EPC2: variants seen among roughly 807,000 people sequenced by gnomAD.
EPC2 encodes enhancer of polycomb 2, also known as enhancer of polycomb homolog 2.
In EPC2, 14 loss-of-function variants were observed where a neutral mutation model predicts 92.1. The observed-to-expected ratio is 0.15, with a 90% CI of 0.10 to 0.24. The LOEUF (loss-of-function observed/expected upper bound fraction) is 0.24, where lower values mean the gene tolerates loss of function less well. Among genes scored for constraint, EPC2 ranks in the 10% least tolerant of loss-of-function variants. The pLI, the probability that EPC2 is intolerant of heterozygous loss-of-function variation, is 1.00. For synonymous variants in EPC2, 340 were observed against 334.7 expected (o/e 1.02, Z -0.17); for missense variants, 755 against 971.5 (o/e 0.78, Z 2.96).
chr2:148,761,232 C>T (rs115828992), intron 4 of EPC2, among the ~76,000 whole-genome samples: 3,839 of 152,156 alleles, frequency 0.025, 55 homozygotes, highest in East Asian at 0.034. Context: ...ATTGACAGTC[C>T]GATTTCTTGA....
In EPC2 at chr2:148,771,161, TCG is replaced by T; in HGVS notation, c.1495_1496del (p.Arg499AspfsTer6). 1 of 1,614,014 alleles carries T rather than the reference TCG, an allele frequency of 6.2e-7. No individual in the cohort carries two copies. The highest frequency in any genetic ancestry group is 8.5e-7 in the Non-Finnish European group (1 of 1,179,876). ...QTIDFSSNFS[R>X]TNASSKHCEN... ...CTATAGACTTTTCTTCTAATTTCTC[TCG>T]GACCAATGCTTCCAGTAAACATTGT... is the stretch of plus-strand genomic sequence containing the variant. On this transcript the variant is annotated frameshift_variant, in exon 10 of 14. Coordinates refer to ENST00000258484, the MANE Select transcript of EPC2 (RefSeq NM_015630.4). LOFTEE classifies it high-confidence loss of function.
At chr2:148,742,678 A>G (rs1326147081) in intron 2 of EPC2, among the ~76,000 whole-genome samples, 1 of 151,804 alleles carries the variant, frequency 6.6e-6, no homozygotes. Flanking sequence ...TTTACTTGGG[A>G]GACTGAGGTG....
rs1460312834 is a variant in EPC2 at position 148,765,120 on chromosome 2, A to G, written c.1114A>G (p.Ser372Gly). ...KSDIKQYDFHSSDEDEFPQVL... is the reference protein window; with the variant it reads ...KSDIKQYDFHGSDEDEFPQVL... ...TGACATTAAGCAATATGATTTTCAC[A>G]GCTCAGATGAAGATGAATTTCCACA... Residue 372 changes from serine (S) to glycine (G), a missense_variant, in exon 7 of 14, where the codon AGC becomes GGC. This residue lies in a region of EPC2 where 509 missense variants were observed against 607.7 expected (regional missense o/e 0.84). Transcript: ENST00000258484. The G allele has an allele frequency of 1.5e-5, 23 of 1,570,584 alleles. No homozygotes were observed. Among genetic ancestry groups the G allele is most frequent in the East Asian group, 2.3e-5 (1 of 43,676 alleles).
intron 1 of EPC2, among the ~76,000 whole-genome samples, chr2:148,653,373 C>G (rs928801521): frequency 1.3e-5 from 2 of 152,158 alleles, no homozygotes; most frequent in African/African-American, 4.8e-5. Flanking sequence ...CTGAAGGAGA[C>G]CAATGCAGAT....
At chr2:148,685,496 C>T (rs982782132) in intron 1 of EPC2, among the ~76,000 whole-genome samples, 3 of 152,334 alleles carry the variant, frequency 2.0e-5, no homozygotes, top group Non-Finnish European at 4.4e-5. Flanking sequence ...CACGGTGGCT[C>T]ACGCCTGTAA....
chr2:148,743,813 T>A, intron 3 of EPC2, 46 bp downstream of exon 3: 1 of 1,430,268 alleles, frequency 7.0e-7, no homozygotes, highest in Non-Finnish European at 9.3e-7. Flanking sequence ...GTTAACCCAA[T>A]TTGCACCTTT....
At chr2:148,678,338 C>T (rs1481778505) in intron 1 of EPC2, among the ~76,000 whole-genome samples, 1 of 152,268 alleles carries the variant, frequency 6.6e-6, no homozygotes, top group Non-Finnish European at 1.5e-5. Context: ...GCTGGCTTCA[C>T]CCAGTGGATC....
At chr2:148,756,623 T>G (rs555858505) in intron 4 of EPC2, among the ~76,000 whole-genome samples, 1 of 152,334 alleles carries the variant, frequency 6.6e-6, no homozygotes, top group East Asian at 1.9e-4. Flanking sequence ...TTAAATGAGA[T>G]AGTCTTAAGG....
chr2:148,752,801 T>C (rs1683105091), intron 3 of EPC2, among the ~76,000 whole-genome samples: 1 of 152,098 alleles, frequency 6.6e-6, no homozygotes, highest in Admixed American at 6.6e-5. Flanking sequence ...ACACAAGAAA[T>C]CATGAGAAAT....
At chr2:148,669,735 T>C (rs75458136) in intron 1 of EPC2, among the ~76,000 whole-genome samples, 1,773 of 152,308 alleles carry the variant, frequency 0.012, 37 homozygotes, top group African/African-American at 0.04. Flanking sequence ...GTAAATAGTT[T>C]GATACCTTTA....
chr2:148,678,598 G>A (rs1681324159), intron 1 of EPC2, among the ~76,000 whole-genome samples: 1 of 152,260 alleles, frequency 6.6e-6, no homozygotes, highest in African/African-American at 2.4e-5. Context: ...CTGGTGGGCT[G>A]GCACTGCTGG....
intron 2 of EPC2, among the ~76,000 whole-genome samples, chr2:148,733,753 G>C (rs1010510800): frequency 6.6e-6 from 1 of 151,602 alleles, no homozygotes; most frequent in African/African-American, 2.4e-5. Flanking sequence ...ACCTCCCAAA[G>C]TCCTGGGATT....
chr2:148,707,256 A>G (rs1442778370), intron 2 of EPC2, among the ~76,000 whole-genome samples: 2 of 152,240 alleles, frequency 1.3e-5, no homozygotes, highest in African/African-American at 2.4e-5. Context: ...AAAGAAGGCC[A>G]TTACATAATG....
intron 9 of EPC2, 26 bp from the exon 10 acceptor site, chr2:148,771,018 A>G (rs772310625): frequency 1.9e-6 from 3 of 1,592,808 alleles, no homozygotes; most frequent in South Asian, 2.3e-5. Context: ...CTCTCAGTTA[A>G]TATTTGGTTT....
chr2:148,781,521 T>C (rs1203915773), intron 10 of EPC2, 123 bp from the exon 11 acceptor site: 4 of 902,374 alleles, frequency 4.4e-6, no homozygotes, highest in Non-Finnish European at 4.9e-6. Context: ...TTTTCTGATA[T>C]TCCATATTGT....
At chr2:148,744,581 T>C (rs921124909) in intron 3 of EPC2, among the ~76,000 whole-genome samples, 1 of 152,116 alleles carries the variant, frequency 6.6e-6, no homozygotes, top group Non-Finnish European at 1.5e-5. Flanking sequence ...TACATGTGCA[T>C]AGAAAGCAAA....
At chr2:148,765,424 T>G in intron 7 of EPC2, among the ~76,000 whole-genome samples, 1 of 152,306 alleles carries the variant, frequency 6.6e-6, no homozygotes, top group East Asian at 1.9e-4. Flanking sequence ...TTAAAATAGA[T>G]TCTTAGAAAT....
At chr2:148,744,873 A>G (rs187033474) in intron 3 of EPC2, among the ~76,000 whole-genome samples, 25 of 151,872 alleles carry the variant, frequency 1.6e-4, no homozygotes, top group Admixed American at 1.4e-3. Flanking sequence ...GTTTACCCAT[A>G]CAAATTTATT....
chr2:148,782,546 C>CA (rs35007515), intron 11 of EPC2, among the ~76,000 whole-genome samples: 9 of 103,130 alleles, frequency 8.7e-5, no homozygotes, highest in South Asian at 9.9e-4. Flanking sequence ...CCAAAAAAAA[C>CA]AAAAAAAATT....
Sources: allele counts gnomAD v4.1 joint callset (sites outside exome capture counted in the v4.1 genomes callset), GRCh38; gene constraint gnomAD v4.1.1; regional missense constraint gnomAD v4.1.1; transcripts MANE v1.5; gene names NCBI Gene and HGNC (gene_info 2026-07-23, HGNC 2026-07-21).